NSUN3: variants seen among roughly 807,000 people sequenced by gnomAD.
NSUN3 encodes NOP2/Sun RNA methyltransferase 3.
A neutral mutation model predicts 36.8 loss-of-function variants in NSUN3; 24 were observed. The observed-to-expected ratio is 0.65, with a 90% CI of 0.47 to 0.92. NSUN3 has a LOEUF of 0.92. NSUN3 is among the 40% of genes least tolerant of loss of function. The probability of loss-of-function intolerance (pLI) is 0.00; values close to 1 mark genes in which losing one functional copy is unlikely to be tolerated. For synonymous variants in NSUN3, 146 were observed against 145.2 expected, an observed-to-expected ratio of 1.01 and a Z score of -0.04; for missense variants, 381 against 392.8, an observed-to-expected ratio of 0.97 and a Z score of 0.25.
chr3:94,074,925 G>A (rs2077240249), intron 2 of NSUN3, among the ~76,000 whole-genome samples: 1 of 152,126 alleles, frequency 6.6e-6, no homozygotes, highest in South Asian at 2.1e-4. Flanking sequence ...CATTCAGTAT[G>A]CTATTGGCTG....
intron 3 of NSUN3, among the ~76,000 whole-genome samples, chr3:94,093,198 T>G (rs1438586410): frequency 1.3e-5 from 2 of 150,158 alleles, no homozygotes; most frequent in Non-Finnish European, 3.0e-5. Context: ...GGGAAGTCAC[T>G]AAAAGTTTTT....
chr3:94,094,996 A>C (rs548941756), intron 4 of NSUN3, 37 bp from the exon 5 acceptor site: 1 of 1,607,174 alleles, frequency 6.2e-7, no homozygotes, highest in Admixed American at 1.7e-5. Context: ...ATAGATTGTC[A>C]GTGCATATTT....
chr3:94,099,026 C>G (rs1161790389), intron 5 of NSUN3, among the ~76,000 whole-genome samples: 1 of 152,040 alleles, frequency 6.6e-6, no homozygotes, highest in Non-Finnish European at 1.5e-5. Context: ...GTAGAAAAGA[C>G]TAAGTAATTG....
chr3:94,112,539 A>T (rs1230984401), intron 5 of NSUN3, among the ~76,000 whole-genome samples: 1 of 152,248 alleles, frequency 6.6e-6, no homozygotes, highest in Non-Finnish European at 1.5e-5. Context: ...GCCAGACTCC[A>T]GAATCATCAG....
intron 5 of NSUN3, among the ~76,000 whole-genome samples, chr3:94,098,027 A>T (rs1463665107): frequency 6.6e-6 from 1 of 152,170 alleles, no homozygotes. Flanking sequence ...GATAAAAATC[A>T]TAATTTCTAA....
Position 94,064,471 on chromosome 3 carries a change from A to G in NSUN3, c.47A>G (p.Gln16Arg). 6.2e-7 allele frequency: 1 copy of G among 1,613,866 alleles called. No individual in the cohort carries two copies. The highest frequency in any genetic ancestry group is 8.5e-7 in the Non-Finnish European group (1 of 1,179,774). The change falls in exon 2 of 6, where the codon CAG (glutamine) becomes CGG (arginine). Residue 16 changes from glutamine (Q) to arginine (R), a missense_variant. Coordinates refer to ENST00000314622, the MANE Select transcript of NSUN3 (RefSeq NM_022072.5). The stretch of plus-strand genomic sequence containing the variant: ...AAATCAGAGGGGAAGCTTGCAAAAC[A>G]GATTTGCAAAGTTGTGTTGGATCAT... The part of the protein sequence containing the change: ...KAKSEGKLAK[Q>R]ICKVVLDHFE...
At chr3:94,108,024 T>A (rs1443111094) in intron 5 of NSUN3, among the ~76,000 whole-genome samples, 1 of 148,192 alleles carries the variant, frequency 6.7e-6, no homozygotes, top group Non-Finnish European at 1.5e-5. Context: ...TCATTTCCAT[T>A]TGTTCTATAA....
At chr3:94,108,450 T>C (rs1440447968) in intron 5 of NSUN3, among the ~76,000 whole-genome samples, 1 of 152,034 alleles carries the variant, frequency 6.6e-6, no homozygotes, top group African/African-American at 2.4e-5. Flanking sequence ...AACCTCCGCC[T>C]TTCAGGTTCA....
chr3:94,063,198 G>GA, intron 1 of NSUN3, 60 bp downstream of exon 1: 2 of 1,561,914 alleles, frequency 1.3e-6, no homozygotes, highest in Non-Finnish European at 1.8e-6. Flanking sequence ...GGACGCGGCC[G>GA]AGGTGGCGAG....
chr3:94,087,449 T>G (rs774637025), intron 3 of NSUN3, among the ~76,000 whole-genome samples: 34 of 152,220 alleles, frequency 2.2e-4, no homozygotes, highest in Admixed American at 4.6e-4. Flanking sequence ...TTGGTTCAGC[T>G]GCTCTCACCT....
chr3:94,126,572 A>G lies in NSUN3; in HGVS notation c.*82A>G, dbSNP rs556083464. 3.6e-5 allele frequency: 45 copies of G among 1,266,272 alleles called. 1 individual carries two copies. The African/African-American group carries it at 6.8e-4, about 19-fold the overall frequency. 78.4% of individuals were successfully genotyped at this position (1,266,272 alleles called of 1,614,324 possible). On this transcript the variant is annotated 3_prime_UTR_variant, in exon 6 of 6. Transcript: ENST00000314622. The stretch of plus-strand genomic sequence containing the variant: ...CATGTTAATATTTAAATAATTATGC[A>G]GTAACTTTCTCTGGGTCTGTTTGGA...
At chr3:94,080,384 G>C (rs191828502) in intron 2 of NSUN3, among the ~76,000 whole-genome samples, 1 of 152,128 alleles carries the variant, frequency 6.6e-6, no homozygotes, top group African/African-American at 2.4e-5. Flanking sequence ...GATACACAGC[G>C]GTCAGATACC....
chr3:94,072,093 T>G (rs2077226637), intron 2 of NSUN3, among the ~76,000 whole-genome samples: 1 of 152,210 alleles, frequency 6.6e-6, no homozygotes, highest in Non-Finnish European at 1.5e-5. Context: ...AGAGTTGGTC[T>G]GTTGCAGCTG....
intron 2 of NSUN3, among the ~76,000 whole-genome samples, chr3:94,079,511 T>G (rs1314656200): frequency 6.6e-6 from 1 of 152,128 alleles, no homozygotes; most frequent in Non-Finnish European, 1.5e-5. Context: ...GGATGATAGC[T>G]TGAAGACTGT....
intron 5 of NSUN3, among the ~76,000 whole-genome samples, chr3:94,096,315 T>A (rs2077339306): frequency 6.6e-6 from 1 of 152,258 alleles, no homozygotes; most frequent in African/African-American, 2.4e-5. Flanking sequence ...ATTTCAGCAG[T>A]TAGACTATTT....
intron 2 of NSUN3, among the ~76,000 whole-genome samples, chr3:94,065,770 A>T (rs1223472756): frequency 1.3e-5 from 2 of 152,210 alleles, no homozygotes; most frequent in East Asian, 1.9e-4. Flanking sequence ...TGTCACAGAG[A>T]TGAAGAACTG....
rs1261115097 is a variant in NSUN3, at chr3:94,128,951, T to C, written c.*2461T>C. ...TCAAAACCACACTGAGATAATATTT[T>C]ACACCAGTCAGAATGGCTATTATTA... On this transcript the variant is annotated 3_prime_UTR_variant, in exon 6 of 6. Transcript: ENST00000314622. Among the ~76,000 whole-genome samples, 1 of 152,116 alleles carries C rather than the reference T, an allele frequency of 6.6e-6. No individual in the cohort carries two copies. The highest frequency in any genetic ancestry group is 2.4e-5 in the African/African-American group (1 of 41,420).
rs2077487251 is a variant in NSUN3, at chr3:94,126,554, ATAT to A, written c.*66_*68del. On this transcript the variant is annotated 3_prime_UTR_variant, in exon 6 of 6. Transcript: ENST00000314622. ...ATATTTCTGAACTCAGTACATGTTA[ATAT>A]TTAAATAATTATGCAGTAACTTTCT... The A allele has an allele frequency of 3.6e-6, 5 of 1,400,670 alleles. No homozygotes were observed. The Admixed American group carries it at 1.1e-4, about 31-fold the overall frequency. The allele number at this position is 1,400,670 out of a possible 1,614,324, so 86.8% of individuals were successfully genotyped here.
At chr3:94,085,999 A>G (rs879490585) in intron 3 of NSUN3, among the ~76,000 whole-genome samples, 5 of 149,322 alleles carry the variant, frequency 3.3e-5, no homozygotes, top group Non-Finnish European at 5.9e-5. Context: ...GCTGCAGTGC[A>G]GTGGCGTGAT....
Sources: gnomAD v4.1 joint callset for allele counts (sites outside exome capture counted in the v4.1 genomes callset) on GRCh38, gnomAD v4.1.1 for gene constraint, MANE v1.5 for transcripts, NCBI Gene and HGNC (gene_info 2026-07-23, HGNC 2026-07-21) for gene names.